RGS6: variants seen among roughly 807,000 people sequenced by gnomAD.
RGS6 encodes regulator of G-protein signaling 6.
Under a neutral mutation model 78.5 loss-of-function variants are expected in RGS6, and 30 were observed. The observed-to-expected ratio is 0.38, with a 90% CI of 0.29 to 0.52. RGS6 has a LOEUF of 0.52. RGS6 is among the 20% of genes least tolerant of loss of function. The pLI is 0.85. For missense variants in RGS6, 495 were observed against 609.7 expected, an observed-to-expected ratio of 0.81 and a Z score of 1.98; for synonymous variants, 206 against 206.0, an observed-to-expected ratio of 1.00 and a Z score of 0.00.
At chr14:72,330,157 G>A (rs1359213714) in intron 2 of RGS6, among the ~76,000 whole-genome samples, 1 of 152,220 alleles carries the variant, frequency 6.6e-6, no homozygotes, top group Non-Finnish European at 1.5e-5. Flanking sequence ...CCCAACCCAG[G>A]ATGATGGTTT....
chr14:72,316,081 T>G (rs2070113949), intron 2 of RGS6, among the ~76,000 whole-genome samples: 2 of 152,242 alleles, frequency 1.3e-5, no homozygotes, highest in South Asian at 4.1e-4. Context: ...TACCGTTTGT[T>G]GTTCCTTTTC....
chr14:71,910,267 C>T, the RGS6 span, among the ~76,000 whole-genome samples: 1 of 152,156 alleles, frequency 6.6e-6, no homozygotes, highest in African/African-American at 2.4e-5. Flanking sequence ...CTGTGCTTCC[C>T]CTTTGCTTCC....
At chr14:71,946,460 A>G (rs1360461617) in intron 1 of RGS6, among the ~76,000 whole-genome samples, 2 of 152,156 alleles carry the variant, frequency 1.3e-5, no homozygotes, top group Non-Finnish European at 2.9e-5. Flanking sequence ...CAGACAGTGC[A>G]TCTATCTTCC....
Position 71,970,151 on chromosome 14 carries a change from C to T in RGS6, c.84+5276C>T, listed in dbSNP as rs549973269. On this transcript the variant is annotated intron_variant, in intron 2 of 17. Transcript: ENST00000553525. ...ATCATTTTGTAGTATTAATTATATGCTATATACATAACAAGTGGTGTTTAA... is the reference window on the plus strand; with the variant it reads ...ATCATTTTGTAGTATTAATTATATGTTATATACATAACAAGTGGTGTTTAA... 2.6e-5 allele frequency among the ~76,000 whole-genome samples: 4 copies of T among 152,168 alleles called. No homozygotes were observed. In the South Asian group the frequency reaches 8.3e-4, roughly 32 times the overall value.
intron 2 of RGS6, among the ~76,000 whole-genome samples, chr14:72,064,741 G>C (rs995304279): frequency 1.3e-5 from 2 of 152,214 alleles, no homozygotes; most frequent in African/African-American, 4.8e-5. Flanking sequence ...AGAAGCTTTT[G>C]AGAGATCGTT....
chr14:72,120,903 C>T (rs543622640), intron 2 of RGS6, among the ~76,000 whole-genome samples: 1 of 152,282 alleles, frequency 6.6e-6, no homozygotes, highest in East Asian at 1.9e-4. Flanking sequence ...TGTCAAAACT[C>T]ATCACGTGGA....
chr14:72,567,846 T>C (rs564959217), downstream of RGS6, among the ~76,000 whole-genome samples: 38 of 152,264 alleles, frequency 2.5e-4, no homozygotes, highest in East Asian at 2.7e-3. Context: ...GAAACACCCA[T>C]ATGAACCCCT....
chr14:72,566,068 A>G lies in RGS6; in HGVS notation c.*3601A>G, dbSNP rs1306369175. ...TGAATAGTGGCCAGACGAATCACTA[A>G]TAACTCACCATGGGACCCTCTGAAG... is the stretch of plus-strand genomic sequence containing the variant. On this transcript the variant is annotated 3_prime_UTR_variant, in exon 18 of 18. Transcript: ENST00000553525. 2 of 152,228 alleles carry G rather than the reference A, an allele frequency of 1.3e-5. No homozygotes were observed. Among genetic ancestry groups the G allele is most frequent in the African/African-American group, 4.8e-5 (2 of 41,444 alleles). The allele number at this position is 152,228 out of a possible 1,614,324, so 9.4% of individuals were successfully genotyped here. A position where few individuals can be genotyped will look rare whatever the true frequency, so the allele number is the denominator to read the frequency against.
At chr14:71,944,950 TGG>T in intron 1 of RGS6, among the ~76,000 whole-genome samples, 1 of 152,152 alleles carries the variant, frequency 6.6e-6, no homozygotes, top group East Asian at 1.9e-4. Flanking sequence ...TGTAGCGCAG[TGG>T]TGTTTTGTAC....
At chr14:72,428,887 C>T (rs2094524477) in intron 3 of RGS6, among the ~76,000 whole-genome samples, 1 of 152,184 alleles carries the variant, frequency 6.6e-6, no homozygotes, top group Non-Finnish European at 1.5e-5. Flanking sequence ...GACCCCTCCT[C>T]TAGAAGGAGT....
At chr14:71,912,528 G>C in the RGS6 span, among the ~76,000 whole-genome samples, 2 of 152,186 alleles carry the variant, frequency 1.3e-5, no homozygotes, top group African/African-American at 4.8e-5. Context: ...AGGAGGAAGG[G>C]AGCTGGGGAG....
chr14:72,083,001 G>C (rs528540423), intron 2 of RGS6, among the ~76,000 whole-genome samples: 1 of 152,276 alleles, frequency 6.6e-6, no homozygotes, highest in African/African-American at 2.4e-5. Flanking sequence ...ATAGAAATTT[G>C]AGGTGTACTT....
At chr14:71,971,772 T>C (rs1208571345) in intron 2 of RGS6, among the ~76,000 whole-genome samples, 1 of 152,190 alleles carries the variant, frequency 6.6e-6, no homozygotes, top group Non-Finnish European at 1.5e-5. Flanking sequence ...CTTACTTGTG[T>C]GACTGTTGGC....
intron 2 of RGS6, among the ~76,000 whole-genome samples, chr14:72,247,764 G>A (rs1317274729): frequency 6.6e-6 from 1 of 152,306 alleles, no homozygotes; most frequent in East Asian, 1.9e-4. Context: ...GGTTGCTAAT[G>A]AAAAGGATGA....
intron 2 of RGS6, among the ~76,000 whole-genome samples, chr14:72,196,377 A>G (rs995774462): frequency 6.6e-6 from 1 of 152,172 alleles, no homozygotes; most frequent in Non-Finnish European, 1.5e-5. Context: ...GTTAGCTGGT[A>G]ATTAGGCAGT....
intron 2 of RGS6, among the ~76,000 whole-genome samples, chr14:72,056,383 C>A (rs2093622379): frequency 6.6e-6 from 1 of 152,166 alleles, no homozygotes; most frequent in Non-Finnish European, 1.5e-5. Context: ...TCTGCCATGA[C>A]TTTCTCTCCT....
At chr14:72,549,000 C>G (rs1444667433) in intron 17 of RGS6, among the ~76,000 whole-genome samples, 1 of 152,158 alleles carries the variant, frequency 6.6e-6, no homozygotes, top group African/African-American at 2.4e-5. Flanking sequence ...TATGCTGCCC[C>G]AAATACTTGT....
intron 2 of RGS6, among the ~76,000 whole-genome samples, chr14:72,335,734 A>C (rs1188030922): frequency 6.6e-6 from 1 of 152,212 alleles, no homozygotes; most frequent in Non-Finnish European, 1.5e-5. Flanking sequence ...ATGACAGCTG[A>C]TGAGCTTAAT....
chr14:72,604,004 T>G, the RGS6 span, among the ~76,000 whole-genome samples: 1 of 152,114 alleles, frequency 6.6e-6, no homozygotes, highest in Non-Finnish European at 1.5e-5. Context: ...AATAGTATAG[T>G]TTAACAGGAT....
Sources: allele counts gnomAD v4.1 joint callset (sites outside exome capture counted in the v4.1 genomes callset), GRCh38; gene constraint gnomAD v4.1.1; transcripts MANE v1.5; gene names NCBI Gene and HGNC (gene_info 2026-07-23, HGNC 2026-07-21).